PAMR1: variants seen among roughly 807,000 people sequenced by gnomAD.
PAMR1 encodes the protein inactive serine protease PAMR1.
A neutral mutation model predicts 81.8 loss-of-function variants in PAMR1; 88 were observed. That is an observed-to-expected ratio of 1.08 (90% CI 0.91 to 1.28). The LOEUF (loss-of-function observed/expected upper bound fraction) is 1.28, where lower values mean the gene tolerates loss of function less well. Ranked by LOEUF, PAMR1 falls within the 50% of genes most tolerant of loss-of-function variation. The pLI is 0.00. For synonymous variants in PAMR1, 336 were observed against 345.3 expected (o/e 0.97, Z 0.30); for missense variants, 935 against 919.7 (o/e 1.02, Z -0.21).
At chr11:35,527,867 C>G (rs1851416385), upstream of PAMR1, among the ~76,000 whole-genome samples, 1 of 152,130 alleles carries the variant, frequency 6.6e-6, no homozygotes, top group South Asian at 2.1e-4. Flanking sequence ...ACACCTTACT[C>G]CTAAACCACC....
intron 1 of PAMR1, among the ~76,000 whole-genome samples, chr11:35,503,055 C>T (rs1472937131): frequency 2.6e-5 from 4 of 152,248 alleles, no homozygotes; most frequent in Non-Finnish European, 5.9e-5. Context: ...TCTGCATATA[C>T]ATATCCTGTT....
intron 7 of PAMR1, among the ~76,000 whole-genome samples, chr11:35,440,045 A>G (rs533366051): frequency 1.3e-5 from 2 of 152,340 alleles, no homozygotes; most frequent in South Asian, 4.1e-4. Flanking sequence ...TGAAGGTTCT[A>G]AAACATAGCC....
intron 6 of PAMR1, among the ~76,000 whole-genome samples, chr11:35,457,126 T>G (rs1856551576): frequency 6.6e-6 from 1 of 152,150 alleles, no homozygotes; most frequent in South Asian, 2.1e-4. Context: ...TTGTTAAGCA[T>G]TATATCTGGG....
chr11:35,494,033 C>T, intron 2 of PAMR1, 63 bp downstream of exon 2: 1 of 1,330,278 alleles, frequency 7.5e-7, no homozygotes, highest in South Asian at 1.3e-5. Context: ...GGCGTTCAGC[C>T]TGTTCCTGTT....
Position 35,479,496 on chromosome 11 carries a change from G to A in PAMR1, c.380-4752C>T, listed in dbSNP as rs606223. On this transcript the variant is annotated intron_variant, in intron 3 of 10. Transcript: ENST00000619888. ...TGCTCAATAAGTGGCAACAAATATT[G>A]TTATTTTTCTCGAGTCTTGTCTGGA... 7.3e-3 allele frequency among the ~76,000 whole-genome samples: 1,105 copies of A among 152,324 alleles called. 10 individuals carry two copies. Among genetic ancestry groups the A allele is most frequent in the African/African-American group, 0.025 (1,048 of 41,578 alleles).
chr11:35,490,887 G>T (rs1318574400), intron 3 of PAMR1, among the ~76,000 whole-genome samples: 1 of 152,140 alleles, frequency 6.6e-6, no homozygotes, highest in African/African-American at 2.4e-5. Context: ...GGTCATACTG[G>T]CAGTGACAGA....
intron 1 of PAMR1, among the ~76,000 whole-genome samples, chr11:35,512,978 G>C (rs557806906): frequency 1.3e-5 from 2 of 152,190 alleles, no homozygotes; most frequent in Non-Finnish European, 2.9e-5. Flanking sequence ...GTGACAGAGT[G>C]AGACCCTGTC....
rs148981084 is a variant in PAMR1 at position 35,484,677 on chromosome 11, T to A, written c.379+7368A>T. On this transcript the variant is annotated intron_variant, in intron 3 of 10. Transcript: ENST00000619888. ...TCCAAAATATGACTAAGAAGATAAA[T>A]GTATTAAGGACCTATAATCTCTCCC... Among the ~76,000 whole-genome samples, 109 of 152,328 alleles carry A rather than the reference T, an allele frequency of 7.2e-4. 1 individual carries two copies. The highest frequency in any genetic ancestry group is 6.4e-3 in the South Asian group (31 of 4,828).
chr11:35,448,510 A>G (rs760807260), intron 6 of PAMR1, among the ~76,000 whole-genome samples: 2 of 152,080 alleles, frequency 1.3e-5, no homozygotes, highest in Admixed American at 1.3e-4. Flanking sequence ...GTTCCTCTCT[A>G]GACTGATTAT....
At chr11:35,492,262 G>A (rs1417773955) in intron 2 of PAMR1, 89 bp from the exon 3 acceptor site, 8 of 1,425,104 alleles carry the variant, frequency 5.6e-6, no homozygotes, top group Non-Finnish European at 6.8e-6. Flanking sequence ...CCTTCTCAGG[G>A]CCCTGTCTCA....
chr11:35,459,983 G>A (rs1247592912), intron 6 of PAMR1, among the ~76,000 whole-genome samples: 5 of 152,334 alleles, frequency 3.3e-5, no homozygotes, highest in East Asian at 3.9e-4. Context: ...AATGGGTCAC[G>A]TCACATAAAG....
intron 6 of PAMR1, among the ~76,000 whole-genome samples, chr11:35,456,339 C>G (rs939358541): frequency 1.3e-5 from 2 of 152,148 alleles, no homozygotes; most frequent in African/African-American, 4.8e-5. Context: ...CGGATTGTAG[C>G]AAAGATTTCA....
chr11:35,470,771 T>G lies in PAMR1; in HGVS notation c.542A>C (p.Tyr181Ser), dbSNP rs747701550. Residue 181 changes from tyrosine (Y) to serine (S), a missense_variant, in exon 5 of 11, where the codon TAT becomes TCT. By Grantham distance (144) the Tyr-to-Ser change is moderately radical. Coordinates refer to ENST00000619888, the MANE Select transcript of PAMR1 (RefSeq NM_001001991.3). ...GTTGTCTCCATCACGAACCTCAACATAGTCATACTGGCACATGTAGTCAAA... is the reference window on the plus strand; with the variant it reads ...GTTGTCTCCATCACGAACCTCAACAGAGTCATACTGGCACATGTAGTCAAA... ...LEFDYMCQYD[Y>S]VEVRDGDNRD... 3.1e-6 allele frequency: 5 copies of G among 1,613,970 alleles called. No individual in the cohort carries two copies. Among genetic ancestry groups the G allele is most frequent in the African/African-American group, 2.7e-5 (2 of 74,906 alleles).
intron 2 of PAMR1, 55 bp downstream of exon 2, chr11:35,494,041 G>T (rs1850675757): frequency 2.1e-6 from 3 of 1,430,974 alleles, no homozygotes; most frequent in Non-Finnish European, 2.9e-6. Context: ...GCCTGTTCCT[G>T]TTCATTACCT....
At chr11:35,470,473 AG>A (rs1342685666) in intron 5 of PAMR1, 127 bp downstream of exon 5, 1 of 711,098 alleles carries the variant, frequency 1.4e-6, no homozygotes, top group African/African-American at 1.8e-5. Flanking sequence ...CTCAGTGTGT[AG>A]GCTGTTTCTA....
At chr11:35,464,869 G>A (rs961947965) in intron 6 of PAMR1, among the ~76,000 whole-genome samples, 5 of 151,984 alleles carry the variant, frequency 3.3e-5, no homozygotes, top group South Asian at 2.1e-4. Context: ...AGACATACAC[G>A]TACATTAGGA....
intron 6 of PAMR1, among the ~76,000 whole-genome samples, chr11:35,461,132 C>G (rs1425275447): frequency 6.6e-6 from 1 of 152,298 alleles, no homozygotes; most frequent in East Asian, 1.9e-4. Context: ...AATGAATTAC[C>G]TCTTAACCCA....
chr11:35,526,853 C>A (rs1450452220), upstream of PAMR1, among the ~76,000 whole-genome samples: 1 of 152,176 alleles, frequency 6.6e-6, no homozygotes, highest in Non-Finnish European at 1.5e-5. Context: ...ATAATTGAAT[C>A]ATGGGGACAG....
intron 3 of PAMR1, among the ~76,000 whole-genome samples, chr11:35,476,005 A>G (rs887766766): frequency 2.0e-5 from 3 of 152,236 alleles, no homozygotes; most frequent in Non-Finnish European, 4.4e-5. Flanking sequence ...TTACTAGTGG[A>G]TACTGCACCA....
Sources: allele counts gnomAD v4.1 joint callset (sites outside exome capture counted in the v4.1 genomes callset), GRCh38; gene constraint gnomAD v4.1.1; transcripts MANE v1.5; gene names NCBI Gene and HGNC (gene_info 2026-07-23, HGNC 2026-07-21).